PDZD8: variants seen among roughly 807,000 people sequenced by gnomAD.
PDZD8 encodes the protein PDZ domain-containing protein 8.
In PDZD8, 14 loss-of-function variants were observed where a neutral mutation model predicts 85.8. The observed-to-expected ratio is 0.16, with a 90% CI of 0.11 to 0.26. The LOEUF (loss-of-function observed/expected upper bound fraction) is 0.26, where lower values mean the gene tolerates loss of function less well. Among genes scored for constraint, PDZD8 ranks in the 10% least tolerant of loss-of-function variants. PDZD8 has a pLI of 1.00. For missense variants in PDZD8, 1,197 were observed against 1,424.3 expected (o/e 0.84, Z 2.57); for synonymous variants, 592 against 568.6 (o/e 1.04, Z -0.59).
At chr10:117,351,178 C>T (rs374060557) in intron 1 of PDZD8, among the ~76,000 whole-genome samples, 12 of 152,088 alleles carry the variant, frequency 7.9e-5, no homozygotes, top group African/African-American at 2.7e-4. Context: ...TCCTACTCCT[C>T]GATATACCCA....
intron 2 of PDZD8, among the ~76,000 whole-genome samples, chr10:117,334,688 C>T (rs1449221487): frequency 6.6e-6 from 1 of 151,822 alleles, no homozygotes; most frequent in Non-Finnish European, 1.5e-5. Flanking sequence ...AGAAATGAGA[C>T]ACTATACAAA....
At chr10:117,308,139 A>G (rs1231468814) in intron 3 of PDZD8, among the ~76,000 whole-genome samples, 2 of 152,122 alleles carry the variant, frequency 1.3e-5, no homozygotes, top group Non-Finnish European at 2.9e-5. Flanking sequence ...TGAAATATAA[A>G]TGCTTGTCCA....
intron 2 of PDZD8, among the ~76,000 whole-genome samples, chr10:117,335,618 G>A (rs1363770305): frequency 1.3e-5 from 2 of 152,160 alleles, no homozygotes; most frequent in Non-Finnish European, 2.9e-5. Flanking sequence ...AGAAAAGTAG[G>A]AGTGGGGGGA....
In PDZD8 at chr10:117,315,076, T is replaced by C. The variant is rs1461294486; in HGVS notation, c.1098+3796A>G. Among the ~76,000 whole-genome samples, 4 of 152,296 alleles carry C rather than the reference T, an allele frequency of 2.6e-5. No homozygotes were observed. The East Asian group carries it at 5.8e-4, about 22-fold the overall frequency. On this transcript the variant is annotated intron_variant, in intron 3 of 4. Transcript: ENST00000334464. ...TACTGCCTTTTCCTCTACCCTAGAA[T>C]TCCCAGATTCAGAGGTTCCAGAGCC...
intron 3 of PDZD8, among the ~76,000 whole-genome samples, chr10:117,309,411 T>C (rs527947534): frequency 1.3e-5 from 2 of 150,212 alleles, no homozygotes; most frequent in African/African-American, 4.9e-5. Flanking sequence ...AAAAAAAACA[T>C]AGTAGATCAA....
At chr10:117,354,971 C>T (rs987668686) in intron 1 of PDZD8, among the ~76,000 whole-genome samples, 4 of 152,174 alleles carry the variant, frequency 2.6e-5, no homozygotes, top group African/African-American at 9.6e-5. Context: ...CATACATTAT[C>T]ATGCAAACTA....
In PDZD8 at chr10:117,280,599, T is replaced by C. The variant is rs929856155; in HGVS notation, c.*2669A>G. 2.6e-5 allele frequency: 4 copies of C among 152,216 alleles called. No homozygotes were observed. In the East Asian group the frequency reaches 7.7e-4, roughly 29 times the overall value. 9.4% of individuals were successfully genotyped at this position (152,216 alleles called of 1,614,324 possible). On this transcript the variant is annotated 3_prime_UTR_variant, in exon 5 of 5. Coordinates refer to ENST00000334464, the MANE Select transcript of PDZD8 (RefSeq NM_173791.5). Reference sequence around the variant, plus strand: ...TAATACAGCTTTTTTCATTGAAGCTTTGTACCTTACTATACTCTAGGCTAT... The same window carrying C: ...TAATACAGCTTTTTTCATTGAAGCTCTGTACCTTACTATACTCTAGGCTAT...
intron 1 of PDZD8, among the ~76,000 whole-genome samples, chr10:117,373,914 C>T (rs1259246006): frequency 2.0e-5 from 3 of 152,228 alleles, no homozygotes; most frequent in Non-Finnish European, 4.4e-5. Flanking sequence ...TATAAGCACA[C>T]TCTTCACGCG....
intron 1 of PDZD8, among the ~76,000 whole-genome samples, chr10:117,348,106 AATT>A (rs898681771): frequency 1.3e-5 from 2 of 152,240 alleles, no homozygotes; most frequent in Admixed American, 1.3e-4. Context: ...ATAGCATATG[AATT>A]ATATTTCAAT....
At chr10:117,294,424 G>A (rs1042073530) in intron 3 of PDZD8, among the ~76,000 whole-genome samples, 2 of 152,014 alleles carry the variant, frequency 1.3e-5, no homozygotes, top group African/African-American at 4.8e-5. Flanking sequence ...ATTAGTTACA[G>A]CTATTATGAA....
rs756104303 is a variant in PDZD8 at position 117,284,036 on chromosome 10, G to A, written c.2697C>T (p.Asp899=). The change falls in exon 5 of 5, where the codon GAC becomes GAT. Residue 899 remains aspartate, a synonymous_variant. Coordinates refer to ENST00000334464, the MANE Select transcript of PDZD8 (RefSeq NM_173791.5). ...CCAGCCTAAGGTTTTTCAGTGTCCT[G>A]TCTATTCGCCTATCAGTTGCTCCAC... ...SVCGATDRRI[D]RTLKNLRLEG... The A allele has an allele frequency of 1.9e-6, 3 of 1,614,158 alleles. No homozygotes were observed. The highest frequency in any genetic ancestry group is 2.5e-6 in the Non-Finnish European group (3 of 1,180,022).
rs968290955 is a variant in PDZD8 at position 117,277,521 on chromosome 10, A to G, written c.*5747T>C. ...TTAATTTTATTAAATATCATACAAT[A>G]TATTTTGATGAAATAGGTATTGTGT... On this transcript the variant is annotated 3_prime_UTR_variant, in exon 5 of 5. Transcript: ENST00000334464. 9.1e-6 allele frequency: 2 copies of G among 219,936 alleles called. No individual in the cohort carries two copies. The highest frequency in any genetic ancestry group is 1.8e-5 in the Non-Finnish European group (2 of 112,792). 13.6% of individuals were successfully genotyped at this position (219,936 alleles called of 1,614,324 possible).
At chr10:117,342,110 A>G (rs1227950490) in intron 1 of PDZD8, among the ~76,000 whole-genome samples, 3 of 152,198 alleles carry the variant, frequency 2.0e-5, no homozygotes, top group South Asian at 4.1e-4. Context: ...GTCCAACTAT[A>G]TAACACCTCA....
At chr10:117,340,865 G>T (rs1844599622) in intron 2 of PDZD8, 115 bp downstream of exon 2, 1 of 1,163,306 alleles carries the variant, frequency 8.6e-7, no homozygotes, top group Non-Finnish European at 1.2e-6. Context: ...TACAATTAAA[G>T]AATTTACAGG....
rs763035495 is a variant in PDZD8, at chr10:117,284,623, T to C, written c.2110A>G (p.Ile704Val). 14 of 1,614,224 alleles carry C rather than the reference T, an allele frequency of 8.7e-6. No individual in the cohort carries two copies. Among genetic ancestry groups the C allele is most frequent in the Middle Eastern group, 3.3e-4 (2 of 6,062 alleles). ...TRTRASCLFDIEACHRYLNIA... is the reference protein window; with the variant it reads ...TRTRASCLFDVEACHRYLNIA... ...TTTAAGTACCTGTGACAGGCTTCTA[T>C]GTCAAACAAACAGGATGCTCTGGTT... Residue 704 changes from isoleucine (I) to valine (V), a missense_variant, in exon 5 of 5, where the codon ATA becomes GTA. By Grantham distance (29) the Ile-to-Val change is conservative. Transcript: ENST00000334464.
chr10:117,283,675 CA>C lies in PDZD8; in HGVS notation c.3057del (p.Ile1019MetfsTer18). 6.2e-7 allele frequency: 1 copy of C among 1,614,202 alleles called. No homozygotes were observed. The highest frequency in any genetic ancestry group is 8.5e-7 in the Non-Finnish European group (1 of 1,180,036). ...GGCAAGCCCCTGTACAGATCACGAC[CA>C]ATTTCTTTAACTGCAATGAAAACAC... ...DDSVFIAVKE[I>X]GRDLYRGLPT... On this transcript the variant is annotated frameshift_variant, in exon 5 of 5. Transcript: ENST00000334464. LOFTEE classifies it high-confidence loss of function.
chr10:117,291,625 A>G (rs983075771), intron 3 of PDZD8, among the ~76,000 whole-genome samples: 10 of 151,884 alleles, frequency 6.6e-5, no homozygotes, highest in African/African-American at 2.4e-4. Context: ...TGGGAGGACC[A>G]TTTGAGCCCA....
intron 3 of PDZD8, among the ~76,000 whole-genome samples, chr10:117,292,870 C>A (rs1296859347): frequency 6.6e-6 from 1 of 151,526 alleles, no homozygotes; most frequent in African/African-American, 2.4e-5. Flanking sequence ...AGTAAATACT[C>A]TTAATTTCAA....
chr10:117,299,376 G>A (rs186437581), intron 3 of PDZD8, among the ~76,000 whole-genome samples: 288 of 152,238 alleles, frequency 1.9e-3, no homozygotes, highest in Admixed American at 3.9e-3. Flanking sequence ...CAAGGCCAGG[G>A]AAGTTTTCCT....
Sources: allele counts gnomAD v4.1 joint callset (sites outside exome capture counted in the v4.1 genomes callset), GRCh38; gene constraint gnomAD v4.1.1; transcripts MANE v1.5; gene names NCBI Gene and HGNC (gene_info 2026-07-23, HGNC 2026-07-21).